Variants in MRPL42 observed in about 807,000 individuals in gnomAD.
MRPL42 encodes the protein mitochondrial ribosomal protein L42.
Under a neutral mutation model 17.9 loss-of-function variants are expected in MRPL42, and 17 were observed. The observed-to-expected ratio is 0.95, with a 90% CI of 0.65 to 1.42. MRPL42 has a LOEUF of 1.42. Among genes scored for constraint, MRPL42 ranks in the 40% most tolerant of loss-of-function variants. MRPL42 has a pLI of 0.00. For synonymous variants in MRPL42, 59 were observed against 54.4 expected, an observed-to-expected ratio of 1.08 and a Z score of -0.37; for missense variants, 177 against 175.2, an observed-to-expected ratio of 1.01 and a Z score of -0.06.
At chr12:93,488,182 G>A (rs1436240088) in intron 5 of MRPL42, 2 of 372,760 alleles carry the variant, frequency 5.4e-6, no homozygotes, top group Non-Finnish European at 9.5e-6. Context: ...GTGTTAGCCA[G>A]GATGGTCTCG....
chr12:93,470,530 A>G (rs778034264), intron 2 of MRPL42: 14 of 1,296,082 alleles, frequency 1.1e-5, no homozygotes, highest in Non-Finnish European at 1.4e-5. Context: ...TGTATTACAT[A>G]TACTGAGGTT....
intron 2 of MRPL42, among the ~76,000 whole-genome samples, chr12:93,471,086 T>C: frequency 6.6e-6 from 1 of 152,266 alleles, no homozygotes; most frequent in Non-Finnish European, 1.5e-5. Flanking sequence ...CAATTTGTTA[T>C]GCTTGAGACG....
intron 5 of MRPL42, chr12:93,488,260 G>A (rs551833732): frequency 7.5e-6 from 3 of 397,404 alleles, no homozygotes; most frequent in South Asian, 2.6e-4. Context: ...GTGAGCCACC[G>A]AGCCTGGCTC....
intron 3 of MRPL42, among the ~76,000 whole-genome samples, chr12:93,478,868 C>G (rs769749321): frequency 1.3e-5 from 2 of 151,924 alleles, no homozygotes; most frequent in Non-Finnish European, 2.9e-5. Flanking sequence ...GTTTGCCAAT[C>G]CAGTGATGTA....
chr12:93,471,570 G>C (rs992592442), intron 2 of MRPL42, among the ~76,000 whole-genome samples: 2 of 151,968 alleles, frequency 1.3e-5, no homozygotes, highest in African/African-American at 2.4e-5. Flanking sequence ...GAGAGTGCTG[G>C]GATTATAGGC....
intron 4 of MRPL42, among the ~76,000 whole-genome samples, chr12:93,480,949 T>C (rs1880431544): frequency 6.6e-6 from 1 of 152,202 alleles, no homozygotes; most frequent in Non-Finnish European, 1.5e-5. Context: ...TTATCACTTA[T>C]TTGGGCAACG....
intron 2 of MRPL42, among the ~76,000 whole-genome samples, chr12:93,474,025 T>C (rs1880037469): frequency 1.3e-5 from 2 of 152,180 alleles, no homozygotes; most frequent in Non-Finnish European, 2.9e-5. Flanking sequence ...AACAGACATC[T>C]AGCAACACTA....
intron 5 of MRPL42, among the ~76,000 whole-genome samples, chr12:93,490,509 T>C (rs1953391113): frequency 1.3e-5 from 2 of 152,246 alleles, no homozygotes; most frequent in African/African-American, 4.8e-5. Flanking sequence ...TGCTGAATTT[T>C]AAATATGCCT....
rs1473151706 is a variant in MRPL42, at chr12:93,504,681, T to C, written c.*3460T>C. 5 of 152,172 alleles carry C rather than the reference T, an allele frequency of 3.3e-5. No individual in the cohort carries two copies. Among genetic ancestry groups the C allele is most frequent in the African/African-American group, 1.2e-4 (5 of 41,438 alleles). 9.4% of individuals were successfully genotyped at this position (152,172 alleles called of 1,614,324 possible). On this transcript the variant is annotated 3_prime_UTR_variant, in exon 6 of 6. Coordinates refer to ENST00000549982, the MANE Select transcript of MRPL42 (RefSeq NM_014050.4). The stretch of plus-strand genomic sequence containing the variant: ...TCCTTTGCAGCCCTTTACCATAATG[T>C]GTTTCTTCTACCTCCCCTGCACAAC...
At chr12:93,469,483 A>G (rs1879797170) in intron 2 of MRPL42, 128 bp downstream of exon 2, 1 of 657,556 alleles carries the variant, frequency 1.5e-6, no homozygotes, top group Non-Finnish European at 2.5e-6. Flanking sequence ...AGTGGGAGAA[A>G]ACCTAAATGT....
chr12:93,488,349 C>T, intron 5 of MRPL42: 1 of 398,452 alleles, frequency 2.5e-6, no homozygotes, highest in Non-Finnish European at 4.4e-6. Flanking sequence ...CTCAAGTGAT[C>T]CTCCTCCCTC....
At chr12:93,492,746 AAAGTC>A (rs1443515095) in intron 5 of MRPL42, among the ~76,000 whole-genome samples, 5 of 152,254 alleles carry the variant, frequency 3.3e-5, no homozygotes, top group Non-Finnish European at 5.9e-5. Flanking sequence ...TAAACTGAAC[AAAGTC>A]AAGTTCTAAA....
intron 5 of MRPL42, among the ~76,000 whole-genome samples, chr12:93,495,526 G>A (rs569846841): frequency 2.0e-5 from 3 of 152,146 alleles, no homozygotes; most frequent in Non-Finnish European, 2.9e-5. Context: ...TGTAATCCTG[G>A]CCCACACATT....
Position 93,479,486 on chromosome 12 carries a change from A to C in MRPL42, c.219+14A>C. On this transcript the variant is annotated intron_variant, in intron 4 of 5. Coordinates refer to ENST00000549982, the MANE Select transcript of MRPL42 (RefSeq NM_014050.4). ...GAACACACAAAAGTATGTATGAGAA[A>C]ATTTCTTGCAGTTTTTAATTTGCTG... 6.4e-7 allele frequency: 1 copy of C among 1,574,548 alleles called. No individual in the cohort carries two copies. The highest frequency in any genetic ancestry group is 1.3e-5 in the African/African-American group (1 of 74,124).
intron 4 of MRPL42, among the ~76,000 whole-genome samples, chr12:93,482,067 C>T (rs959997107): frequency 3.9e-5 from 6 of 152,162 alleles, no homozygotes; most frequent in African/African-American, 1.4e-4. Flanking sequence ...TAAGTAATCA[C>T]TCCTACAAGT....
Position 93,505,958 on chromosome 12 carries a change from A to G in MRPL42, c.*4737A>G, listed in dbSNP as rs1485022842. The G allele has an allele frequency of 7.5e-6, 1 of 133,756 alleles. No homozygotes were observed. The highest frequency in any genetic ancestry group is 1.5e-5 in the Non-Finnish European group (1 of 65,194). The allele number at this position is 133,756 out of a possible 1,614,324, so 8.3% of individuals were successfully genotyped here. ...AGATGGAGTTTCACTTTTGTCACCC[A>G]GGCTGGAGTGCAGTACAGTGGCCAG... On this transcript the variant is annotated 3_prime_UTR_variant, in exon 6 of 6. Transcript: ENST00000549982.
intron 5 of MRPL42, chr12:93,487,971 CTTTTTT>C: frequency 5.6e-6 from 1 of 179,164 alleles, no homozygotes; most frequent in Non-Finnish European, 1.1e-5. Flanking sequence ...TAATTTTGTT[CTTTTTT>C]TTTTTTTTTG....
chr12:93,474,340 A>G (rs12371758), intron 2 of MRPL42, among the ~76,000 whole-genome samples: 22,299 of 151,962 alleles, frequency 0.15, 2,156 homozygotes, highest in Non-Finnish European at 0.21. Flanking sequence ...TGACCCAACT[A>G]TGTTGCCCAG....
At chr12:93,491,508 A>G (rs1313814884) in intron 5 of MRPL42, among the ~76,000 whole-genome samples, 1 of 152,040 alleles carries the variant, frequency 6.6e-6, no homozygotes, top group East Asian at 1.9e-4. Context: ...TATGAGCTAT[A>G]TGCTTTGTAA....
Sources: gnomAD v4.1 joint callset for allele counts (sites outside exome capture counted in the v4.1 genomes callset) on GRCh38, gnomAD v4.1.1 for gene constraint, MANE v1.5 for transcripts, NCBI Gene and HGNC (gene_info 2026-07-23, HGNC 2026-07-21) for gene names.